Variants in SHISA5 observed in about 807,000 individuals in gnomAD.
SHISA5 encodes the protein protein shisa-5.
In SHISA5, 21 loss-of-function variants were observed where a neutral mutation model predicts 27.5. The ratio of observed to expected loss-of-function variants is 0.76; its 90% CI spans 0.54 to 1.10. The LOEUF is 1.10. SHISA5 is among the 50% of genes least tolerant of loss of function. The pLI is 0.00. For synonymous variants in SHISA5, 137 were observed against 142.2 expected, an observed-to-expected ratio of 0.96 and a Z score of 0.26; for missense variants, 314 against 336.3, an observed-to-expected ratio of 0.93 and a Z score of 0.52.
intron 1 of SHISA5, chr3:48,503,186 A>C: frequency 7.8e-7 from 1 of 1,289,712 alleles, no homozygotes; most frequent in Non-Finnish European, 1.0e-6. Flanking sequence ...TGAGCCTCTG[A>C]GCTAGGGCTG....
In SHISA5 at chr3:48,474,944, G is replaced by A. The variant is rs377594191; in HGVS notation, c.314+4233C>T. Among the ~76,000 whole-genome samples, 14 of 152,112 alleles carry A rather than the reference G, an allele frequency of 9.2e-5. No homozygotes were observed. In the East Asian group the frequency reaches 1.2e-3, roughly 13 times the overall value. On this transcript the variant is annotated intron_variant, in intron 3 of 5. Transcript: ENST00000296444. ...AGGCCAGGCCCCTCAGCACATGCCC[G>A]CACGGAATTAAATTCCTTTCTACTT...
intron 2 of SHISA5, among the ~76,000 whole-genome samples, chr3:48,486,712 G>A (rs1195021439): frequency 6.9e-6 from 1 of 143,972 alleles, no homozygotes; most frequent in Non-Finnish European, 1.5e-5. Context: ...GATCAACATG[G>A]TGAAACCCTG....
chr3:48,474,747 C>A (rs1175406209), intron 3 of SHISA5, among the ~76,000 whole-genome samples: 1 of 152,216 alleles, frequency 6.6e-6, no homozygotes, highest in East Asian at 1.9e-4. Context: ...CATCCCCCTC[C>A]TTTCAGCTTT....
At position 48,480,390 on chromosome 3, in the gene SHISA5, G is replaced by A. The variant is rs184744257; in HGVS notation, c.234-1133C>T. On this transcript the variant is annotated intron_variant, in intron 2 of 5. Coordinates refer to ENST00000296444, the MANE Select transcript of SHISA5 (RefSeq NM_016479.6). Reference sequence around the variant, plus strand: ...GCAGGGGAGAAGATATCATGATCACGAAGAAGTAATAAAGGAAACTAACAA... The same window carrying A: ...GCAGGGGAGAAGATATCATGATCACAAAGAAGTAATAAAGGAAACTAACAA... 6.8e-3 allele frequency among the ~76,000 whole-genome samples: 1,039 copies of A among 151,918 alleles called. 35 individuals are homozygous for A. Among genetic ancestry groups the A allele is most frequent in the Admixed American group, 0.061 (935 of 15,250 alleles).
rs773305309 is a variant in SHISA5, at chr3:48,468,102, G to A, written c.*1005C>T. ...CCAGAACACCGTGGACTGGGGTACA[G>A]GAGTTGTTGCATATTCCATGAGGCT... On this transcript the variant is annotated 3_prime_UTR_variant, in exon 6 of 6. Coordinates refer to ENST00000296444, the MANE Select transcript of SHISA5 (RefSeq NM_016479.6). The A allele has an allele frequency of 3.0e-5, 29 of 972,218 alleles. No homozygotes were observed. Among genetic ancestry groups the A allele is most frequent in the Admixed American group, 2.6e-4 (5 of 19,566 alleles). 60.2% of individuals were successfully genotyped at this position (972,218 alleles called of 1,614,324 possible).
intron 1 of SHISA5, among the ~76,000 whole-genome samples, chr3:48,501,985 C>T (rs1167995152): frequency 1.3e-5 from 2 of 152,010 alleles, no homozygotes; most frequent in African/African-American, 4.8e-5. Context: ...CTCAGCTTCC[C>T]GAGTAGCTGG....
intron 2 of SHISA5, among the ~76,000 whole-genome samples, chr3:48,490,410 C>G (rs1450797473): frequency 1.3e-5 from 2 of 152,232 alleles, no homozygotes; most frequent in Admixed American, 6.5e-5. Context: ...CACCACCCAG[C>G]AGAGCCATGG....
chr3:48,486,691 G>C (rs185165996), intron 2 of SHISA5, among the ~76,000 whole-genome samples: 1 of 142,998 alleles, frequency 7.0e-6, no homozygotes, highest in Non-Finnish European at 1.5e-5. Flanking sequence ...TCAGGAGTTT[G>C]AGACCAGCTT....
chr3:48,474,531 T>G (rs566383531), intron 3 of SHISA5, among the ~76,000 whole-genome samples: 2 of 152,050 alleles, frequency 1.3e-5, no homozygotes, highest in South Asian at 4.2e-4. Context: ...GAGATGGGGT[T>G]TCACCACGTT....
chr3:48,502,165 A>T (rs1179281599), intron 1 of SHISA5, among the ~76,000 whole-genome samples: 1 of 152,060 alleles, frequency 6.6e-6, no homozygotes, highest in African/African-American at 2.4e-5. Context: ...CCCCAGCCAG[A>T]CTGTCTAGTT....
intron 1 of SHISA5, chr3:48,503,731 G>A (rs2041820663): frequency 8.3e-7 from 1 of 1,211,920 alleles, no homozygotes; most frequent in South Asian, 3.4e-5. Flanking sequence ...CCTAGCCTCT[G>A]GGGACTCCAT....
chr3:48,467,904 G>A lies in SHISA5; in HGVS notation c.*1203C>T, dbSNP rs1248146978. ...AAACGATTGCATTTATTATAAACAA[G>A]TGTACAGACCCTAGACTCAGAAACA... On this transcript the variant is annotated 3_prime_UTR_variant, in exon 6 of 6. Transcript: ENST00000296444. The A allele has an allele frequency of 8.9e-6, 4 of 448,688 alleles. No individual in the cohort carries two copies. The highest frequency in any genetic ancestry group is 3.9e-5 in the African/African-American group (2 of 50,818). 27.8% of individuals were successfully genotyped at this position (448,688 alleles called of 1,614,324 possible).
chr3:48,499,200 G>A (rs868171210), intron 2 of SHISA5, among the ~76,000 whole-genome samples: 1 of 151,856 alleles, frequency 6.6e-6, no homozygotes, highest in Non-Finnish European at 1.5e-5. Context: ...TTGAGTCGAG[G>A]TCTCACTCTG....
Position 48,504,116 on chromosome 3 carries a change from G to GACGGACGCGAGCGCCGGGCGC in SHISA5, c.-43_-23dup. 1.6e-6 allele frequency: 2 copies of GACGGACGCGAGCGCCGGGCGC among 1,227,326 alleles called. No individual in the cohort carries two copies. The highest frequency in any genetic ancestry group is 2.1e-6 in the Non-Finnish European group (2 of 951,766). 76.0% of individuals were successfully genotyped at this position (1,227,326 alleles called of 1,614,324 possible). ...TCATGGCTGGGCGGGCGGACGGGCG[G>GACGGACGCGAGCGCCGGGCGC]ACGGACGCGAGCGCCGGGCGCAGTG... On this transcript the variant is annotated 5_prime_UTR_variant, in exon 1 of 6. Transcript: ENST00000296444. This position sits in a 1 kb window ranked among gnomAD's most constrained non-coding sequence, Gnocchi z 4.0.
intron 1 of SHISA5, chr3:48,503,187 G>C (rs2041805202): frequency 7.8e-7 from 1 of 1,289,632 alleles, no homozygotes; most frequent in Non-Finnish European, 1.0e-6. Flanking sequence ...GAGCCTCTGA[G>C]CTAGGGCTGA....
intron 2 of SHISA5, among the ~76,000 whole-genome samples, chr3:48,497,176 G>A (rs745956309): frequency 1.2e-4 from 18 of 151,688 alleles, no homozygotes; most frequent in Non-Finnish European, 1.5e-4. Flanking sequence ...AGGTTGCAGT[G>A]AGCCGAGATC....
intron 2 of SHISA5, among the ~76,000 whole-genome samples, chr3:48,487,254 C>A (rs772902789): frequency 3.3e-5 from 5 of 152,080 alleles, no homozygotes; most frequent in Non-Finnish European, 7.3e-5. Flanking sequence ...AAAATATGGT[C>A]TTCCAATTCA....
chr3:48,492,110 GCCACT>G (rs1367815223), intron 2 of SHISA5, among the ~76,000 whole-genome samples: 3 of 126,288 alleles, frequency 2.4e-5, no homozygotes, highest in African/African-American at 8.9e-5. Flanking sequence ...CTGAGATTGT[GCCACT>G]CCACTCCAGC....
chr3:48,490,372 C>T (rs1341717627), intron 2 of SHISA5, among the ~76,000 whole-genome samples: 1 of 152,248 alleles, frequency 6.6e-6, no homozygotes, highest in African/African-American at 2.4e-5. Context: ...TGCACCTGGC[C>T]GGCCACCTCA....
Sources: allele counts gnomAD v4.1 joint callset (sites outside exome capture counted in the v4.1 genomes callset), GRCh38; gene constraint gnomAD v4.1.1; non-coding constraint Gnocchi (gnomAD v3.1); transcripts MANE v1.5; gene names NCBI Gene and HGNC (gene_info 2026-07-23, HGNC 2026-07-21).